The following CNTNAP2 variants were observed in gnomAD, a reference collection of about 807,000 sequenced individuals.
CNTNAP2 encodes contactin associated protein 2.
A neutral mutation model predicts 155.2 loss-of-function variants in CNTNAP2; 98 were observed. That is an observed-to-expected ratio of 0.63 (90% CI 0.54 to 0.75). CNTNAP2 has a LOEUF of 0.75. CNTNAP2 is among the 30% of genes least tolerant of loss of function. The pLI is 0.00. For synonymous variants in CNTNAP2, 651 were observed against 631.2 expected (o/e 1.03, Z -0.47); for missense variants, 1,727 against 1,688.1 (o/e 1.02, Z -0.40).
intron 2 of CNTNAP2, among the ~76,000 whole-genome samples, chr7:146,831,669 CAAAAAAAAAAAAA>C (rs531970313): frequency 1.0e-3 from 17 of 16,808 alleles, no homozygotes; most frequent in Admixed American, 4.2e-3. Context: ...AGCAAGACGC[CAAAAAAAAAAAAA>C]AAAAAAAAAA....
Position 146,397,915 on chromosome 7 carries a change from A to T in CNTNAP2, c.97+280942A>T, listed in dbSNP as rs1795655901. 2.1e-5 allele frequency among the ~76,000 whole-genome samples: 3 copies of T among 141,598 alleles called. No individual in the cohort carries two copies. In the South Asian group the frequency reaches 6.4e-4, roughly 30 times the overall value. The allele number at this position is 141,598 out of a possible 152,430, so 92.9% of individuals were successfully genotyped here. A position where few individuals can be genotyped will look rare whatever the true frequency, so the allele number is the denominator to read the frequency against. ...TTTTGACATGGTCTTGCTCTGTTGT[A>T]CAGGCTGGAGTGCAGTGGTGTGATC... On this transcript the variant is annotated intron_variant, in intron 1 of 23. Coordinates refer to ENST00000361727, the MANE Select transcript of CNTNAP2 (RefSeq NM_014141.6).
At chr7:147,348,724 C>A (rs766604989) in intron 9 of CNTNAP2, among the ~76,000 whole-genome samples, 19 of 151,936 alleles carry the variant, frequency 1.3e-4, no homozygotes, top group South Asian at 4.1e-4. Flanking sequence ...TTCACAGTAA[C>A]CAAGACATGG....
chr7:146,281,589 G>A (rs1199908497), intron 1 of CNTNAP2, among the ~76,000 whole-genome samples: 1 of 152,114 alleles, frequency 6.6e-6, no homozygotes, highest in Admixed American at 6.5e-5. Flanking sequence ...AAGGTCAGGA[G>A]TTTGAGACCA....
At chr7:147,010,178 T>G (rs1246601243) in intron 3 of CNTNAP2, among the ~76,000 whole-genome samples, 2 of 151,834 alleles carry the variant, frequency 1.3e-5, no homozygotes, top group African/African-American at 2.4e-5. Flanking sequence ...CCAAGCTGAT[T>G]TTTGTATTTT....
rs192703344 is a variant in CNTNAP2 at position 147,938,313 on chromosome 7, G to A, written c.2255+34592G>A. 1.2e-4 allele frequency among the ~76,000 whole-genome samples: 19 copies of A among 152,158 alleles called. No individual in the cohort carries two copies. The East Asian group carries it at 3.5e-3, about 28-fold the overall frequency. ...AATACTAAGACCTACTATACACTAA[G>A]CTACAGTATTTAAAGCACACAATAC... On this transcript the variant is annotated intron_variant, in intron 14 of 23. Coordinates refer to ENST00000361727, the MANE Select transcript of CNTNAP2 (RefSeq NM_014141.6).
intron 12 of CNTNAP2, among the ~76,000 whole-genome samples, chr7:147,607,664 A>G (rs1225157308): frequency 1.3e-5 from 2 of 152,182 alleles, no homozygotes; most frequent in African/African-American, 4.8e-5. Context: ...GCGCCATCTT[A>G]GGTGACTTTA....
intron 18 of CNTNAP2, among the ~76,000 whole-genome samples, chr7:148,174,421 C>CG (rs920369627): frequency 6.9e-6 from 1 of 144,008 alleles, no homozygotes; most frequent in Non-Finnish European, 1.5e-5. Context: ...CCTGTGACCG[C>CG]CCCCCACCTC....
chr7:147,707,489 G>A (rs1201644999), intron 13 of CNTNAP2, among the ~76,000 whole-genome samples: 1 of 152,200 alleles, frequency 6.6e-6, no homozygotes, highest in Non-Finnish European at 1.5e-5. Context: ...CTGGGGACAG[G>A]GACAACAGGT....
intron 3 of CNTNAP2, among the ~76,000 whole-genome samples, chr7:146,995,144 C>T (rs1245533446): frequency 2.0e-5 from 3 of 151,970 alleles, no homozygotes; most frequent in Non-Finnish European, 4.4e-5. Context: ...CAGATTGATT[C>T]GATTTGTGAT....
At chr7:147,142,800 A>C (rs4601233) in intron 8 of CNTNAP2, among the ~76,000 whole-genome samples, 51,154 of 151,656 alleles carry the variant, frequency 0.34, 9,319 homozygotes, top group East Asian at 0.55. Flanking sequence ...CCACACAAGA[A>C]CATGCACAAA....
In CNTNAP2 at chr7:148,069,738, TGACA is replaced by T. The variant is rs72042391; in HGVS notation, c.2384-48375_2384-48372del. Among the ~76,000 whole-genome samples the T allele has an allele frequency of 9.8e-3, 1,346 of 137,750 alleles. 24 individuals are homozygous for T. Among genetic ancestry groups the T allele is most frequent in the African/African-American group, 0.035 (1,267 of 35,694 alleles). The allele number at this position is 137,750 out of a possible 152,430, so 90.4% of individuals were successfully genotyped here. On this transcript the variant is annotated intron_variant, in intron 15 of 23. Coordinates refer to ENST00000361727, the MANE Select transcript of CNTNAP2 (RefSeq NM_014141.6). ...TTGCGCCACTGCACTCCAGCCTGGG[TGACA>T]GACAAAGACTCCGTCTCAAAAAAAA...
chr7:147,835,797 A>G (rs1162479279), intron 13 of CNTNAP2, among the ~76,000 whole-genome samples: 2 of 152,190 alleles, frequency 1.3e-5, no homozygotes, highest in Non-Finnish European at 2.9e-5. Context: ...GAGAGAAAGG[A>G]GAGAGAGCTT....
intron 1 of CNTNAP2, among the ~76,000 whole-genome samples, chr7:146,474,296 A>T (rs145391304): frequency 0.076 from 11,322 of 148,810 alleles, 464 homozygotes; most frequent in Non-Finnish European, 0.093. Context: ...TATAATATAA[A>T]TATAAATATA....
intron 22 of CNTNAP2, among the ~76,000 whole-genome samples, chr7:148,407,471 A>C (rs1799728620): frequency 6.6e-6 from 1 of 152,198 alleles, no homozygotes; most frequent in Non-Finnish European, 1.5e-5. Context: ...TGAAAGGCCA[A>C]GGTGGGAGGA....
intron 21 of CNTNAP2, among the ~76,000 whole-genome samples, chr7:148,281,487 GA>G (rs1177458402): frequency 2.6e-5 from 4 of 152,168 alleles, no homozygotes; most frequent in Admixed American, 1.3e-4. Context: ...TGATAGGTGA[GA>G]AATAATATTT....
chr7:147,617,535 G>A (rs910502302), intron 12 of CNTNAP2, among the ~76,000 whole-genome samples: 8 of 152,016 alleles, frequency 5.3e-5, no homozygotes, highest in Non-Finnish European at 1.2e-4. Flanking sequence ...GTCTAAAATA[G>A]TATCTGCATA....
intron 1 of CNTNAP2, among the ~76,000 whole-genome samples, chr7:146,722,937 C>T (rs1007356498): frequency 8.6e-5 from 13 of 152,012 alleles, no homozygotes; most frequent in Admixed American, 2.6e-4. Context: ...ATTGCTTGAA[C>T]CTGGGAGGCA....
chr7:146,147,691 A>T (rs546248912), intron 1 of CNTNAP2, among the ~76,000 whole-genome samples: 1 of 152,138 alleles, frequency 6.6e-6, no homozygotes, highest in East Asian at 1.9e-4. Flanking sequence ...GAGGATTTAG[A>T]ATAGACATCT....
chr7:148,094,138 C>G (rs1803911300), intron 15 of CNTNAP2, among the ~76,000 whole-genome samples: 1 of 152,208 alleles, frequency 6.6e-6, no homozygotes, highest in South Asian at 2.1e-4. Flanking sequence ...GACGGACTTT[C>G]TCTGAAGTCC....
Sources: gnomAD v4.1 joint callset for allele counts (sites outside exome capture counted in the v4.1 genomes callset) on GRCh38, gnomAD v4.1.1 for gene constraint, MANE v1.5 for transcripts, NCBI Gene and HGNC (gene_info 2026-07-23, HGNC 2026-07-21) for gene names.